Variants in CCDC13 observed in about 807,000 individuals in gnomAD.
CCDC13 encodes coiled-coil domain containing 13, also known as coiled-coil domain-containing protein 13.
A neutral mutation model predicts 87.3 loss-of-function variants in CCDC13; 70 were observed. The observed-to-expected ratio is 0.80, with a 90% CI of 0.66 to 0.98. The LOEUF (loss-of-function observed/expected upper bound fraction) is 0.98, where lower values mean the gene tolerates loss of function less well. CCDC13 is among the 50% of genes least tolerant of loss of function. The pLI is 0.00. For synonymous variants in CCDC13, 317 were observed against 360.3 expected, an observed-to-expected ratio of 0.88 and a Z score of 1.36; for missense variants, 842 against 892.0, an observed-to-expected ratio of 0.94 and a Z score of 0.71.
chr3:42,736,719 G>C (rs930235495), intron 9 of CCDC13, among the ~76,000 whole-genome samples: 2 of 152,082 alleles, frequency 1.3e-5, no homozygotes, highest in African/African-American at 4.8e-5. Flanking sequence ...AAGTGATCAT[G>C]AACTAAGGTA....
At chr3:42,763,442 A>G (rs936061800) in intron 1 of CCDC13, among the ~76,000 whole-genome samples, 1 of 152,158 alleles carries the variant, frequency 6.6e-6, no homozygotes, top group African/African-American at 2.4e-5. Flanking sequence ...TGTAGTTTCA[A>G]TATCAGATTT....
At chr3:42,738,439 T>G (rs1365841555) in intron 9 of CCDC13, among the ~76,000 whole-genome samples, 1 of 152,240 alleles carries the variant, frequency 6.6e-6, no homozygotes, top group African/African-American at 2.4e-5. Context: ...TTTTTCCAAT[T>G]CTGTGAAGAA....
In CCDC13 at chr3:42,735,689, T is replaced by A. The variant is rs1235581659; in HGVS notation, c.1371+18A>T. The A allele has an allele frequency of 6.2e-7, 1 of 1,611,626 alleles. No homozygotes were observed. Among genetic ancestry groups the A allele is most frequent in the Non-Finnish European group, 8.5e-7 (1 of 1,177,980 alleles). On this transcript the variant is annotated intron_variant, in intron 10 of 15. Coordinates refer to ENST00000310232, the MANE Select transcript of CCDC13 (RefSeq NM_144719.4). ...CCGGCTTGAAAATGGGTTTGGGCGC[T>A]GCCAGTGCCCTACTCACGTGCACAT...
chr3:42,713,861 G>A (rs1391892184), intron 13 of CCDC13: 1 of 152,172 alleles, frequency 6.6e-6, no homozygotes, highest in Non-Finnish European at 1.5e-5. Context: ...TAAGTCAGAG[G>A]CCTGGCAAGC....
chr3:42,769,461 A>C (rs1381913789), intron 1 of CCDC13, among the ~76,000 whole-genome samples: 1 of 152,258 alleles, frequency 6.6e-6, no homozygotes, highest in African/African-American at 2.4e-5. Flanking sequence ...CATATGATCC[A>C]GTGATCATAT....
chr3:42,735,963 C>T, intron 9 of CCDC13, 50 bp from the exon 10 acceptor site: 3 of 1,554,164 alleles, frequency 1.9e-6, no homozygotes, highest in Non-Finnish European at 2.6e-6. Context: ...GCCCTTTGGG[C>T]CGGGGAGGAC....
chr3:42,755,726 G>T (rs534486095), intron 3 of CCDC13, among the ~76,000 whole-genome samples: 237 of 152,350 alleles, frequency 1.6e-3, no homozygotes, highest in Non-Finnish European at 2.8e-3. Context: ...TTTCAGGGAC[G>T]CTTAGGGCTG....
chr3:42,742,760 G>C, intron 8 of CCDC13, 136 bp downstream of exon 8: 2 of 1,064,106 alleles, frequency 1.9e-6, no homozygotes, highest in Non-Finnish European at 2.7e-6. Flanking sequence ...ATGCAGAGGT[G>C]ACCCAGGTCC....
Position 42,731,953 on chromosome 3 carries a change from T to A in CCDC13, c.1595+934A>T, listed in dbSNP as rs1698844942. On this transcript the variant is annotated intron_variant, in intron 12 of 15. Transcript: ENST00000310232. ...ACAGAGCAGCTCCTGTATTTCTGTG[T>A]GGCACAGAGGTCACAGCCACACAGG... 2.0e-5 allele frequency among the ~76,000 whole-genome samples: 3 copies of A among 152,330 alleles called. No homozygotes were observed. In the South Asian group the frequency reaches 6.2e-4, roughly 32 times the overall value.
intron 13 of CCDC13, 125 bp from the exon 14 acceptor site, chr3:42,713,441 TC>T: frequency 2.3e-6 from 2 of 888,112 alleles, no homozygotes; most frequent in Non-Finnish European, 3.4e-6. Context: ...CTCTTCATTT[TC>T]ATTGCAGTAA....
chr3:42,750,644 T>G (rs1318454311), intron 5 of CCDC13, among the ~76,000 whole-genome samples: 3 of 152,166 alleles, frequency 2.0e-5, no homozygotes, highest in Non-Finnish European at 4.4e-5. Context: ...ATTGTTGTAT[T>G]TTTACTAGAG....
chr3:42,765,319 C>A (rs1192491021), intron 1 of CCDC13, among the ~76,000 whole-genome samples: 1 of 152,188 alleles, frequency 6.6e-6, no homozygotes, highest in Non-Finnish European at 1.5e-5. Context: ...AGACCGGCCC[C>A]CAGAGTATTA....
chr3:42,727,572 T>C (rs889786140), intron 13 of CCDC13, among the ~76,000 whole-genome samples: 5 of 152,118 alleles, frequency 3.3e-5, no homozygotes, highest in Non-Finnish European at 5.9e-5. Context: ...GAAACGAATA[T>C]TCACTATTCA....
At chr3:42,720,762 G>A (rs971301203) in intron 13 of CCDC13, among the ~76,000 whole-genome samples, 1 of 152,180 alleles carries the variant, frequency 6.6e-6, no homozygotes, top group African/African-American at 2.4e-5. Context: ...TGAACATACT[G>A]ACTAAAGTTA....
rs1314343957 is a variant in CCDC13, at chr3:42,728,562, A to G, written c.1718+1905T>C. Among the ~76,000 whole-genome samples, 5 of 152,200 alleles carry G rather than the reference A, an allele frequency of 3.3e-5. 1 individual carries two copies. Among genetic ancestry groups the G allele is most frequent in the Non-Finnish European group, 7.3e-5 (5 of 68,046 alleles). The stretch of plus-strand genomic sequence containing the variant: ...CCTTTGGTTTAATTGGCCAATCATC[A>G]GTTTTGAAAGGAATCATCATTTTTG... On this transcript the variant is annotated intron_variant, in intron 13 of 15. Transcript: ENST00000310232.
At chr3:42,770,706 C>T (rs762032186) in intron 1 of CCDC13, 3 of 152,702 alleles carry the variant, frequency 2.0e-5, no homozygotes, top group African/African-American at 4.8e-5. Context: ...CTTTTATGAG[C>T]TGTAACACTC....
chr3:42,749,109 C>T (rs551902086), intron 5 of CCDC13, among the ~76,000 whole-genome samples: 49 of 152,216 alleles, frequency 3.2e-4, no homozygotes, highest in East Asian at 3.1e-3. Flanking sequence ...CCTGTCTGGC[C>T]GCCTGCCATC....
At chr3:42,713,563 C>G (rs369570572) in intron 13 of CCDC13, among the ~76,000 whole-genome samples, 12 of 152,232 alleles carry the variant, frequency 7.9e-5, no homozygotes, top group African/African-American at 2.4e-4. Context: ...TAAAAGCAAT[C>G]ACTTATAACA....
At position 42,732,942 on chromosome 3, in the gene CCDC13, C is replaced by G; in HGVS notation, c.1540G>C (p.Val514Leu). The stretch of plus-strand genomic sequence containing the variant: ...GAAGGCCTCGTGAGAGCAGATTCCA[C>G]CAGTGTGTGGCCCAGGCTGGTCACA... ...RSVTSLGHTL[V>L]ESALTRPSLP... The change falls in exon 12 of 16, where the codon GTG becomes CTG. Residue 514 changes from valine (V) to leucine (L), a missense_variant. Coordinates refer to ENST00000310232, the MANE Select transcript of CCDC13 (RefSeq NM_144719.4). 6.4e-7 allele frequency: 1 copy of G among 1,553,836 alleles called. No individual in the cohort carries two copies. The highest frequency in any genetic ancestry group is 8.7e-7 in the Non-Finnish European group (1 of 1,148,016).
Sources: allele counts gnomAD v4.1 joint callset (sites outside exome capture counted in the v4.1 genomes callset), GRCh38; gene constraint gnomAD v4.1.1; transcripts MANE v1.5; gene names NCBI Gene and HGNC (gene_info 2026-07-23, HGNC 2026-07-21).